The following SOX5 variants were observed in gnomAD, a reference collection of about 807,000 sequenced individuals.
SOX5 encodes the protein SRY-box transcription factor 5.
Under a neutral mutation model 92.0 loss-of-function variants are expected in SOX5, and 9 were observed. The ratio of observed to expected loss-of-function variants is 0.10; its 90% CI spans 0.06 to 0.17. The LOEUF is 0.17. Among genes scored for constraint, SOX5 ranks in the 10% least tolerant of loss-of-function variants. SOX5 has a pLI of 1.00. For missense variants in SOX5, 642 were observed against 944.5 expected (o/e 0.68, Z 4.20); for synonymous variants, 344 against 336.3 (o/e 1.02, Z -0.25).
chr12:24,335,508 A>G (rs1951786775), intron 2 of SOX5, among the ~76,000 whole-genome samples: 1 of 152,204 alleles, frequency 6.6e-6, no homozygotes, highest in Admixed American at 6.5e-5. Context: ...AACTGAAGAT[A>G]AGTGAGATTA....
intron 4 of SOX5, among the ~76,000 whole-genome samples, chr12:24,007,132 C>CAA (rs377717275): frequency 0.23 from 5,680 of 24,510 alleles, 1,029 homozygotes; most frequent in Non-Finnish European, 0.39. Flanking sequence ...GACTCCATCT[C>CAA]AAAAAAAAAT....
At chr12:23,652,805 T>TA (rs1353560292) in intron 7 of SOX5, among the ~76,000 whole-genome samples, 2 of 152,090 alleles carry the variant, frequency 1.3e-5, no homozygotes, top group Admixed American at 6.6e-5. Flanking sequence ...TCCCAGGCTC[T>TA]AGTCCTCTGC....
intron 1 of SOX5, among the ~76,000 whole-genome samples, chr12:24,542,540 G>A (rs905167960): frequency 6.6e-6 from 1 of 152,118 alleles, no homozygotes; most frequent in African/African-American, 2.4e-5. Flanking sequence ...ATATACGATA[G>A]GCCTACCTGG....
At chr12:23,550,477 A>T (rs566353429) in intron 11 of SOX5, among the ~76,000 whole-genome samples, 155 of 152,032 alleles carry the variant, frequency 1.0e-3, no homozygotes, top group Non-Finnish European at 1.9e-3. Context: ...GTCAGTGGGG[A>T]AAATTGAAAA....
At chr12:23,767,215 AACACACAC>A (rs35485466) in intron 3 of SOX5, among the ~76,000 whole-genome samples, 102 of 137,888 alleles carry the variant, frequency 7.4e-4, no homozygotes, top group African/African-American at 2.3e-3. Context: ...AAAAAACAGA[AACACACAC>A]ACACACACAC....
chr12:23,644,527 G>A (rs1050254896), intron 7 of SOX5, among the ~76,000 whole-genome samples: 2 of 152,166 alleles, frequency 1.3e-5, no homozygotes, highest in Non-Finnish European at 2.9e-5. Flanking sequence ...AGAAGTGCTA[G>A]AACAGACAAC....
intron 3 of SOX5, among the ~76,000 whole-genome samples, chr12:24,247,656 T>A (rs908658731): frequency 2.0e-4 from 30 of 146,408 alleles, no homozygotes; most frequent in African/African-American, 7.3e-4. Context: ...TTTTTTTTTT[T>A]TTTTTTTTTT....
At chr12:24,364,511 CATATATATATATATAT>C (rs58135899) in intron 2 of SOX5, among the ~76,000 whole-genome samples, 43 of 110,524 alleles carry the variant, frequency 3.9e-4, no homozygotes, top group African/African-American at 9.0e-4. Flanking sequence ...AACATTTTTT[CATATATATATATATAT>C]ATATATATAT....
intron 4 of SOX5, among the ~76,000 whole-genome samples, chr12:24,040,251 G>T (rs1419906051): frequency 6.6e-6 from 1 of 152,092 alleles, no homozygotes; most frequent in Non-Finnish European, 1.5e-5. Flanking sequence ...AATATCTATG[G>T]TTCTAACTTT....
intron 1 of SOX5, among the ~76,000 whole-genome samples, chr12:24,484,368 AG>A (rs1351874134): frequency 4.6e-5 from 7 of 152,250 alleles, no homozygotes; most frequent in African/African-American, 1.2e-4. Context: ...AATGAGTCAC[AG>A]AAATAAGATG....
At chr12:23,906,331 A>C (rs1316698050) in intron 1 of SOX5, among the ~76,000 whole-genome samples, 1 of 152,204 alleles carries the variant, frequency 6.6e-6, no homozygotes, top group Non-Finnish European at 1.5e-5. Flanking sequence ...TATACTTTTT[A>C]AGGAAATAAA....
intron 2 of SOX5, among the ~76,000 whole-genome samples, chr12:24,278,351 T>C (rs1373627955): frequency 6.6e-6 from 1 of 152,154 alleles, no homozygotes; most frequent in Admixed American, 6.6e-5. Flanking sequence ...AGAATCCACA[T>C]TACTTTATTA....
intron 6 of SOX5, among the ~76,000 whole-genome samples, chr12:23,720,519 T>A (rs1198436761): frequency 2.0e-5 from 3 of 152,160 alleles, no homozygotes; most frequent in Non-Finnish European, 2.9e-5. Flanking sequence ...TTTTCATTTA[T>A]TTGGTTAGTT....
At chr12:24,382,954 G>T (rs1471257572) in intron 1 of SOX5, among the ~76,000 whole-genome samples, 1 of 152,180 alleles carries the variant, frequency 6.6e-6, no homozygotes, top group African/African-American at 2.4e-5. Context: ...AGGTAGTCAT[G>T]TGGATACGTG....
intron 7 of SOX5, among the ~76,000 whole-genome samples, chr12:23,646,543 G>A (rs1398014255): frequency 6.6e-6 from 1 of 152,160 alleles, no homozygotes; most frequent in African/African-American, 2.4e-5. Flanking sequence ...TCTCTCTGTA[G>A]CATGTGATGC....
intron 3 of SOX5, among the ~76,000 whole-genome samples, chr12:23,793,384 A>T (rs1421775749): frequency 6.6e-6 from 1 of 152,212 alleles, no homozygotes; most frequent in Non-Finnish European, 1.5e-5. Context: ...GCTTATAAAG[A>T]AAATAACCCT....
At chr12:23,581,648 G>A (rs968830487) in intron 9 of SOX5, among the ~76,000 whole-genome samples, 1 of 151,942 alleles carries the variant, frequency 6.6e-6, no homozygotes, top group Non-Finnish European at 1.5e-5. Context: ...GCTATTATAT[G>A]CCAGGCATTA....
chr12:23,698,398 A>G (rs1395187885), intron 6 of SOX5, among the ~76,000 whole-genome samples: 2 of 151,948 alleles, frequency 1.3e-5, no homozygotes, highest in Admixed American at 6.5e-5. Context: ...TTCTGTTTTT[A>G]TTTCTGAATA....
chr12:23,895,703 A>G (rs540545339), intron 2 of SOX5, 90 bp downstream of exon 2: 2 of 820,962 alleles, frequency 2.4e-6, no homozygotes, highest in Non-Finnish European at 4.1e-6. Context: ...AGTAGATGTT[A>G]ATTATAAAGC....
Sources: allele counts gnomAD v4.1 joint callset (sites outside exome capture counted in the v4.1 genomes callset), GRCh38; gene constraint gnomAD v4.1.1; transcripts MANE v1.5; gene names NCBI Gene and HGNC (gene_info 2026-07-23, HGNC 2026-07-21).